The following KLF13 variants were observed in gnomAD, a reference collection of about 807,000 sequenced individuals.
KLF13 encodes Krueppel-like factor 13.
In KLF13, 8 loss-of-function variants were observed where a neutral mutation model predicts 16.7. That is an observed-to-expected ratio of 0.48 (90% confidence interval 0.28 to 0.87). KLF13 has a LOEUF of 0.87. Ranked by LOEUF, KLF13 falls within the 40% of genes least tolerant of loss-of-function variation. The pLI, the probability that KLF13 is intolerant of heterozygous loss-of-function variation, is 0.10. For missense variants in KLF13, 447 were observed against 452.2 expected (o/e 0.99, Z 0.10); for synonymous variants, 245 against 208.4 (o/e 1.18, Z -1.51).
At chr15:31,403,052 C>T (rs2040063484) in intron 2 of KLF13, among the ~76,000 whole-genome samples, 1 of 152,212 alleles carries the variant, frequency 6.6e-6, no homozygotes, top group Admixed American at 6.5e-5. Context: ...GCCTGGGGAA[C>T]ACAAGCTGCT....
At chr15:31,383,664 G>T (rs1402991192) in intron 1 of KLF13, among the ~76,000 whole-genome samples, 3 of 152,218 alleles carry the variant, frequency 2.0e-5, no homozygotes, top group Non-Finnish European at 2.9e-5. Context: ...ACTTTGGGAG[G>T]CCAAGGCGGG....
chr15:31,347,635 G>A (rs939225376), intron 1 of KLF13, among the ~76,000 whole-genome samples: 1 of 152,206 alleles, frequency 6.6e-6, no homozygotes, highest in African/African-American at 2.4e-5. Flanking sequence ...GGAGAGAGGC[G>A]GGGCAGTGTG....
intron 1 of KLF13, among the ~76,000 whole-genome samples, chr15:31,341,536 A>AT (rs2039021735): frequency 7.3e-6 from 1 of 137,922 alleles, no homozygotes; most frequent in Non-Finnish European, 1.6e-5. Flanking sequence ...ACAATTCAGA[A>AT]CTTTTTTTTT....
downstream of KLF13, among the ~76,000 whole-genome samples, chr15:31,406,249 G>A (rs1353958136): frequency 3.3e-5 from 5 of 152,148 alleles, no homozygotes; most frequent in Non-Finnish European, 7.3e-5. Flanking sequence ...GGCCAAGGCA[G>A]GCGGATCACC....
downstream of KLF13, chr15:31,404,859 G>A (rs970857753): frequency 6.6e-6 from 1 of 152,448 alleles, no homozygotes; most frequent in Non-Finnish European, 1.5e-5. Flanking sequence ...AGGCTGCAAG[G>A]TTAGGGTCCA....
chr15:31,383,783 TC>T (rs2039760193), intron 1 of KLF13, among the ~76,000 whole-genome samples: 1 of 152,042 alleles, frequency 6.6e-6, no homozygotes, highest in Non-Finnish European at 1.5e-5. Context: ...GCGCCTGTAG[TC>T]CCAGCTACTC....
chr15:31,354,917 C>T (rs936727277), intron 1 of KLF13, among the ~76,000 whole-genome samples: 1 of 152,160 alleles, frequency 6.6e-6, no homozygotes, highest in Non-Finnish European at 1.5e-5. Context: ...AATTTTCATA[C>T]TGGGCTAACA....
At chr15:31,344,604 G>A (rs1422235574) in intron 1 of KLF13, among the ~76,000 whole-genome samples, 1 of 152,260 alleles carries the variant, frequency 6.6e-6, no homozygotes, top group African/African-American at 2.4e-5. Flanking sequence ...TTCTCTTCTG[G>A]ACTGTGGGGG....
chr15:31,431,504 G>A (rs2040471031), intron 1 of KLF13, among the ~76,000 whole-genome samples: 2 of 151,800 alleles, frequency 1.3e-5, no homozygotes, highest in Non-Finnish European at 2.9e-5. Context: ...TCCCTCTGTC[G>A]CCCAGGATGG....
At chr15:31,396,864 C>T (rs10851546) in intron 2 of KLF13, among the ~76,000 whole-genome samples, 142,552 of 152,244 alleles carry the variant, frequency 0.94, 66,889 homozygotes, top group East Asian at 1. Flanking sequence ...AGGGATGTTA[C>T]AGTCTTTGTT....
chr15:31,408,637 ATT>A (rs1231797371), downstream of KLF13, among the ~76,000 whole-genome samples: 55 of 152,216 alleles, frequency 3.6e-4, 1 homozygote, highest in Non-Finnish European at 7.3e-5. Flanking sequence ...AAGTATGAAA[ATT>A]ATTTACCTCT....
At chr15:31,386,984 G>T (rs139051578) in intron 1 of KLF13, among the ~76,000 whole-genome samples, 2 of 152,340 alleles carry the variant, frequency 1.3e-5, no homozygotes, top group East Asian at 3.8e-4. Flanking sequence ...GATGAAACTT[G>T]AATGAATGAG....
At chr15:31,435,555 G>A (rs1031237577) in exon 2 of KLF13, 6 of 152,122 alleles carry the variant, frequency 3.9e-5, no homozygotes, top group East Asian at 1.9e-4. Context: ...CAGACCTTCC[G>A]ATCCTGTGCT....
In KLF13 at chr15:31,372,400, G is replaced by A. The variant is rs772455774; in HGVS notation, c.*101G>A. On this transcript the variant is annotated 3_prime_UTR_variant, in exon 2 of 2. Transcript: ENST00000307145. Reference sequence around the variant, plus strand: ...AGAGAGAACTTGATGCAAAGTCCACGAAAAAACAATTTTTTTCACCTCAGG... The same window carrying A: ...AGAGAGAACTTGATGCAAAGTCCACAAAAAAACAATTTTTTTCACCTCAGG... 7.2e-6 allele frequency: 9 copies of A among 1,255,854 alleles called. No homozygotes were observed. The highest frequency in any genetic ancestry group is 2.9e-5 in the East Asian group (1 of 34,942). 77.8% of individuals were successfully genotyped at this position (1,255,854 alleles called of 1,614,324 possible).
At chr15:31,358,519 T>G (rs2039334792) in intron 1 of KLF13, among the ~76,000 whole-genome samples, 2 of 152,258 alleles carry the variant, frequency 1.3e-5, no homozygotes. Context: ...GAACACCTTT[T>G]CACACAGTTG....
chr15:31,372,000 G>T lies in KLF13; in HGVS notation c.578-10G>T. The T allele has an allele frequency of 1.3e-6, 2 of 1,594,698 alleles. No individual in the cohort carries two copies. Among genetic ancestry groups the T allele is most frequent in the Non-Finnish European group, 1.7e-6 (2 of 1,171,102 alleles). Reference sequence around the variant, plus strand: ...GTGCGGATACTGATGCTCTGCCCCTGTGCCCACAGGTGAGAGGCCCTTCGC... The same window carrying T: ...GTGCGGATACTGATGCTCTGCCCCTTTGCCCACAGGTGAGAGGCCCTTCGC... On this transcript the variant is annotated splice_polypyrimidine_tract_variant and intron_variant, in intron 1 of 1. Transcript: ENST00000307145.
chr15:31,408,749 G>A (rs537229908), downstream of KLF13, among the ~76,000 whole-genome samples: 2 of 152,246 alleles, frequency 1.3e-5, no homozygotes, highest in South Asian at 4.1e-4. Flanking sequence ...AAATTGTAAT[G>A]ATTAGTGTGT....
At chr15:31,341,426 A>G (rs147585525) in intron 1 of KLF13, among the ~76,000 whole-genome samples, 41 of 151,986 alleles carry the variant, frequency 2.7e-4, no homozygotes, top group African/African-American at 9.9e-4. Context: ...AGTATTGTTC[A>G]TGGGTACCTA....
At chr15:31,386,041 G>T (rs1595490097) in intron 1 of KLF13, among the ~76,000 whole-genome samples, 1 of 152,310 alleles carries the variant, frequency 6.6e-6, no homozygotes, top group East Asian at 1.9e-4. Flanking sequence ...AGTTTCAGTG[G>T]CTTGGATAGA....
Sources: allele counts gnomAD v4.1 joint callset (sites outside exome capture counted in the v4.1 genomes callset), GRCh38; gene constraint gnomAD v4.1.1; transcripts MANE v1.5; gene names NCBI Gene and HGNC (gene_info 2026-07-23, HGNC 2026-07-21).